CSMD3: variants seen among roughly 807,000 people sequenced by gnomAD.
CSMD3 encodes CUB and Sushi multiple domains 3.
CSMD3 carries 177 observed loss-of-function variants against 435.2 expected under a neutral mutation model. The observed-to-expected ratio is 0.41, with a 90% CI of 0.36 to 0.46. The LOEUF (loss-of-function observed/expected upper bound fraction) is 0.46, where lower values mean the gene tolerates loss of function less well. Among genes scored for constraint, CSMD3 ranks in the 20% least tolerant of loss-of-function variants. CSMD3 has a pLI of 0.34. For synonymous variants in CSMD3, 1,656 were observed against 1,520.5 expected (o/e 1.09, Z -2.07); for missense variants, 4,265 against 4,504.6 (o/e 0.95, Z 1.52).
At position 112,244,442 on chromosome 8, in the gene CSMD3, C is replaced by T. The variant is rs1251288534; in HGVS notation, c.10354G>A (p.Val3452Met). ...GTCCAGGTGTTATCGGATCTACACA[C>T]TCTATGTTCTGTTCCACCTGCTAAG... ...FFLAGGTEHR[V>M]CRSDNTWTGK... The change falls in exon 65 of 71, where the codon GTG becomes ATG. Residue 3452 changes from valine to methionine, a missense_variant. Coordinates refer to ENST00000297405, the MANE Select transcript of CSMD3 (RefSeq NM_198123.2). 1 of 1,613,912 alleles carries T rather than the reference C, an allele frequency of 6.2e-7. No homozygotes were observed. The highest frequency in any genetic ancestry group is 1.1e-5 in the South Asian group (1 of 91,074).
At chr8:112,555,492 T>G (rs2131217364) in intron 25 of CSMD3, among the ~76,000 whole-genome samples, 1 of 152,126 alleles carries the variant, frequency 6.6e-6, no homozygotes, top group South Asian at 2.1e-4. Flanking sequence ...ATGGGCTGAT[T>G]ATTGATCATA....
chr8:112,494,507 C>CT (rs1248434917), intron 30 of CSMD3, among the ~76,000 whole-genome samples: 1 of 48,700 alleles, frequency 2.1e-5, no homozygotes, highest in East Asian at 3.5e-4. Context: ...TTCTTTCTTT[C>CT]TTTCTTTCTT....
rs529433746 is a variant in CSMD3, at chr8:113,166,438, G to C, written c.709+7284C>G. Among the ~76,000 whole-genome samples, 4 of 152,244 alleles carry C rather than the reference G, an allele frequency of 2.6e-5. No homozygotes were observed. The South Asian group carries it at 8.3e-4, about 32-fold the overall frequency. The stretch of plus-strand genomic sequence containing the variant: ...GAGAATTGCTTGAACCCGGGAGATG[G>C]AGGTTGCAGTGAGCTGAGATTGCAC... On this transcript the variant is annotated intron_variant, in intron 4 of 70. Coordinates refer to ENST00000297405, the MANE Select transcript of CSMD3 (RefSeq NM_198123.2).
intron 10 of CSMD3, among the ~76,000 whole-genome samples, chr8:112,881,328 G>T (rs1219754408): frequency 6.6e-6 from 1 of 151,934 alleles, no homozygotes; most frequent in Non-Finnish European, 1.5e-5. Context: ...CGAATTAAAG[G>T]CTCATTAATA....
chr8:112,400,299 A>G (rs1831208738), intron 35 of CSMD3, among the ~76,000 whole-genome samples: 1 of 152,062 alleles, frequency 6.6e-6, no homozygotes, highest in Non-Finnish European at 1.5e-5. Context: ...ACAGGTGAAA[A>G]TATCCCTGGT....
At chr8:113,207,616 C>T (rs996528649) in intron 3 of CSMD3, among the ~76,000 whole-genome samples, 1 of 152,030 alleles carries the variant, frequency 6.6e-6, no homozygotes, top group Admixed American at 6.6e-5. Context: ...CTCCTGACCT[C>T]AGATGATTTG....
At chr8:113,399,463 C>A (rs1342001360) in intron 1 of CSMD3, among the ~76,000 whole-genome samples, 1 of 151,292 alleles carries the variant, frequency 6.6e-6, no homozygotes, top group East Asian at 1.9e-4. Context: ...TTATTTGCCA[C>A]AAGAAGATCC....
chr8:112,346,678 TTTTTTTTTTTTTTTTTTTTG>T (rs1825699956), intron 40 of CSMD3, among the ~76,000 whole-genome samples: 2 of 63,798 alleles, frequency 3.1e-5, no homozygotes, highest in South Asian at 1.2e-3. Context: ...CCTTTTTTTT[TTTTTTTTTTTTTTTTTTTTG>T]GAGAAGGAGT....
intron 4 of CSMD3, among the ~76,000 whole-genome samples, chr8:113,155,934 T>C (rs1219568657): frequency 6.6e-6 from 1 of 152,072 alleles, no homozygotes; most frequent in South Asian, 2.1e-4. Context: ...TCAGCTGCTG[T>C]GGTTTTCTAT....
chr8:112,800,114 C>G, intron 13 of CSMD3, 48 bp downstream of exon 13: 1 of 1,224,424 alleles, frequency 8.2e-7, no homozygotes, highest in Non-Finnish European at 1.2e-6. Context: ...TAAAAATATT[C>G]TCTGGTGGTA....
chr8:113,351,684 A>C (rs2132915656), intron 1 of CSMD3, among the ~76,000 whole-genome samples: 1 of 152,302 alleles, frequency 6.6e-6, no homozygotes. Context: ...GCATTCGCTA[A>C]GTGCTTTGCA....
At chr8:112,639,874 A>G (rs908208890) in intron 20 of CSMD3, among the ~76,000 whole-genome samples, 3 of 152,172 alleles carry the variant, frequency 2.0e-5, no homozygotes, top group Admixed American at 6.6e-5. Context: ...CCACAAATGT[A>G]AATGGTACAG....
At position 113,009,340 on chromosome 8, in the gene CSMD3, T is replaced by G. The variant is rs566012581; in HGVS notation, c.1030+9727A>C. On this transcript the variant is annotated intron_variant, in intron 6 of 70. Transcript: ENST00000297405. ...AGAAAGAACTCACAGTCCTGAGATA[T>G]TAAGTAATCTATTCAGGTTCACAGA... Among the ~76,000 whole-genome samples the G allele has an allele frequency of 9.9e-5, 15 of 151,992 alleles. No individual in the cohort carries two copies. In the South Asian group the frequency reaches 3.1e-3, roughly 31 times the overall value.
At chr8:112,527,886 G>T (rs1230643590) in intron 27 of CSMD3, among the ~76,000 whole-genome samples, 2 of 152,062 alleles carry the variant, frequency 1.3e-5, no homozygotes, top group Non-Finnish European at 2.9e-5. Context: ...CATAAAAATA[G>T]ATTTATTCAA....
chr8:112,545,973 G>A (rs1827146823), intron 27 of CSMD3, among the ~76,000 whole-genome samples: 1 of 152,190 alleles, frequency 6.6e-6, no homozygotes, highest in Non-Finnish European at 1.5e-5. Flanking sequence ...AAGTAATTCT[G>A]TCTAGTAGTT....
intron 13 of CSMD3, among the ~76,000 whole-genome samples, chr8:112,703,129 A>G (rs1321618455): frequency 6.6e-6 from 1 of 152,170 alleles, no homozygotes; most frequent in Non-Finnish European, 1.5e-5. Context: ...TTTCTTTAAT[A>G]CATGTTGCCT....
rs190636762 is a variant in CSMD3 at position 112,944,744 on chromosome 8, C to G, written c.1508+3046G>C. ...TCCCTGCTTGCCCTTTAAAGGACTT[C>G]TTTTGCTTCAGTTACCCTTTTAGGT... On this transcript the variant is annotated intron_variant, in intron 9 of 70. Transcript: ENST00000297405. Among the ~76,000 whole-genome samples, 72 of 151,542 alleles carry G rather than the reference C, an allele frequency of 4.8e-4. 1 individual carries two copies. The highest frequency in any genetic ancestry group is 4.7e-3 in the Admixed American group (71 of 15,106).
chr8:112,496,608 A>T (rs1255425723), intron 30 of CSMD3, among the ~76,000 whole-genome samples: 1 of 152,204 alleles, frequency 6.6e-6, no homozygotes, highest in Non-Finnish European at 1.5e-5. Context: ...ATATACAATG[A>T]AGTACTATTC....
intron 3 of CSMD3, among the ~76,000 whole-genome samples, chr8:113,188,236 C>G (rs1444183920): frequency 6.6e-6 from 1 of 151,962 alleles, no homozygotes; most frequent in East Asian, 1.9e-4. Flanking sequence ...AATGCTCTGT[C>G]TATTCAATTG....
Sources: allele counts gnomAD v4.1 joint callset (sites outside exome capture counted in the v4.1 genomes callset), GRCh38; gene constraint gnomAD v4.1.1; transcripts MANE v1.5; gene names NCBI Gene and HGNC (gene_info 2026-07-23, HGNC 2026-07-21).